Variants in LPGAT1 observed in about 807,000 individuals in gnomAD.
LPGAT1 encodes acyl-CoA:lysophosphatidylglycerol acyltransferase 1.
A neutral mutation model predicts 47.5 loss-of-function variants in LPGAT1; 11 were observed. That is an observed-to-expected ratio of 0.23 (90% confidence interval 0.15 to 0.38). The LOEUF is 0.38. LPGAT1 is among the 10% of genes least tolerant of loss of function. The pLI, the probability that LPGAT1 is intolerant of heterozygous loss-of-function variation, is 1.00. For missense variants in LPGAT1, 293 were observed against 439.0 expected, an observed-to-expected ratio of 0.67 and a Z score of 2.97; for synonymous variants, 138 against 144.2, an observed-to-expected ratio of 0.96 and a Z score of 0.31.
chr1:211,799,481 GT>G (rs1659481044), intron 2 of LPGAT1, among the ~76,000 whole-genome samples: 1 of 152,216 alleles, frequency 6.6e-6, no homozygotes, highest in African/African-American at 2.4e-5. Context: ...TAGTTAGGAA[GT>G]AGGGGAACTG....
At chr1:211,799,367 T>G (rs1659476191) in intron 2 of LPGAT1, among the ~76,000 whole-genome samples, 1 of 152,210 alleles carries the variant, frequency 6.6e-6, no homozygotes, top group African/African-American at 2.4e-5. Flanking sequence ...CATTATTTTC[T>G]GATTTAATCT....
intron 4 of LPGAT1, among the ~76,000 whole-genome samples, chr1:211,784,889 T>C (rs376567075): frequency 4.6e-4 from 70 of 151,212 alleles, no homozygotes; most frequent in South Asian, 6.3e-4. Flanking sequence ...CTGCAAGCTC[T>C]GCCTCCCGGG....
At chr1:211,775,212 G>A (rs1273758727) in intron 6 of LPGAT1, among the ~76,000 whole-genome samples, 1 of 152,192 alleles carries the variant, frequency 6.6e-6, no homozygotes, top group Non-Finnish European at 1.5e-5. Flanking sequence ...AGCTATTTGT[G>A]AGGCTGAGGC....
chr1:211,798,008 C>T (rs1016229306), intron 2 of LPGAT1, among the ~76,000 whole-genome samples: 1 of 151,958 alleles, frequency 6.6e-6, no homozygotes, highest in Non-Finnish European at 1.5e-5. Context: ...TATACTTTTC[C>T]CAAAAGTTAT....
At chr1:211,799,768 G>GA (rs1199211521) in intron 2 of LPGAT1, among the ~76,000 whole-genome samples, 2 of 151,808 alleles carry the variant, frequency 1.3e-5, no homozygotes, top group Non-Finnish European at 2.9e-5. Context: ...AGGTATCTAA[G>GA]AAAAAAAATC....
At chr1:211,778,824 C>G (rs1658518776) in intron 6 of LPGAT1, 94 bp downstream of exon 6, 1 of 1,032,088 alleles carries the variant, frequency 9.7e-7, no homozygotes, top group African/African-American at 1.7e-5. Flanking sequence ...CCAACTATTT[C>G]TACTGTGTGA....
At chr1:211,802,059 G>A (rs1210091574) in intron 2 of LPGAT1, among the ~76,000 whole-genome samples, 1 of 144,396 alleles carries the variant, frequency 6.9e-6, no homozygotes, top group Non-Finnish European at 1.5e-5. Context: ...CTGTATTACA[G>A]CCTGGGTAAC....
chr1:211,771,112 A>C (rs932533481), intron 6 of LPGAT1, among the ~76,000 whole-genome samples: 4 of 152,148 alleles, frequency 2.6e-5, no homozygotes, highest in East Asian at 1.9e-4. Context: ...AAAAAAAAAA[A>C]AACAACTTTT....
Position 211,830,762 on chromosome 1 carries a change from C to T in LPGAT1, c.-217G>A. 1 of 1,154,874 alleles carries T rather than the reference C, an allele frequency of 8.7e-7. No homozygotes were observed. The highest frequency in any genetic ancestry group is 1.1e-6 in the Non-Finnish European group (1 of 938,636). The allele number at this position is 1,154,874 out of a possible 1,614,324, so 71.5% of individuals were successfully genotyped here. A position where few individuals can be genotyped will look rare whatever the true frequency, so the allele number is the denominator to read the frequency against. ...AAGGGCCCGGCCGCGTTCGCCCGGA[C>T]TGGCGGGGAGGGGCGGCGGGAGGAA... On this transcript the variant is annotated 5_prime_UTR_variant, in exon 1 of 8. Transcript: ENST00000366997. The surrounding 1 kb of genome is among the most constrained non-coding windows in gnomAD (Gnocchi z 5.9).
At chr1:211,802,220 TA>T (rs1343914400) in intron 2 of LPGAT1, among the ~76,000 whole-genome samples, 1 of 151,768 alleles carries the variant, frequency 6.6e-6, no homozygotes, top group Non-Finnish European at 1.5e-5. Flanking sequence ...TAACATCAAA[TA>T]AAATGTGTAT....
At chr1:211,796,278 T>A (rs569303704) in intron 2 of LPGAT1, among the ~76,000 whole-genome samples, 17 of 152,088 alleles carry the variant, frequency 1.1e-4, no homozygotes, top group Non-Finnish European at 2.1e-4. Context: ...CCAAAATCTG[T>A]GAATCAAGAT....
intron 2 of LPGAT1, among the ~76,000 whole-genome samples, chr1:211,813,288 A>G (rs1034183461): frequency 2.6e-5 from 4 of 152,234 alleles, no homozygotes; most frequent in Non-Finnish European, 5.9e-5. Flanking sequence ...TGTTAAAAAT[A>G]TAAGTTCCCA....
At position 211,778,357 on chromosome 1, in the gene LPGAT1, A is replaced by AC. The variant is rs1187152845; in HGVS notation, c.854+560_854+561insG. 9.0e-3 allele frequency among the ~76,000 whole-genome samples: 1,196 copies of AC among 132,706 alleles called. 64 individuals are homozygous for AC. The highest frequency in any genetic ancestry group is 0.054 in the East Asian group (247 of 4,568). 87.1% of individuals were successfully genotyped at this position (132,706 alleles called of 152,430 possible). On this transcript the variant is annotated intron_variant, in intron 6 of 7. Coordinates refer to ENST00000366997, the MANE Select transcript of LPGAT1 (RefSeq NM_014873.3). The stretch of plus-strand genomic sequence containing the variant: ...ACTCTGTCTCAAAAAAAAAAAAAAA[A>AC]AAAAAAAAAAAAAAAAAGGAAGGCA...
chr1:211,829,190 T>C lies in LPGAT1; in HGVS notation c.107A>G (p.Tyr36Cys). 4 of 1,614,144 alleles carry C rather than the reference T, an allele frequency of 2.5e-6. No individual in the cohort carries two copies. Among genetic ancestry groups the C allele is most frequent in the Non-Finnish European group, 3.4e-6 (4 of 1,180,028 alleles). The change falls in exon 2 of 8, where the codon TAC (tyrosine) becomes TGC (cysteine). Residue 36 changes from tyrosine to cysteine, a missense_variant. Physicochemically the swap from Tyr to Cys is radical, Grantham distance 194 (BLOSUM62 -2). Coordinates refer to ENST00000366997, the MANE Select transcript of LPGAT1 (RefSeq NM_014873.3). ...CTGAAGTATAATTACATAGCAGATGTAGGATGGAATAGCAACCAGGTTGTT... is the reference window on the plus strand; with the variant it reads ...CTGAAGTATAATTACATAGCAGATGCAGGATGGAATAGCAACCAGGTTGTT... The part of the protein sequence containing the change: ...VVNNLVAIPS[Y>C]ICYVIILQPL...
chr1:211,763,460 C>T (rs1657786537), intron 6 of LPGAT1, among the ~76,000 whole-genome samples: 1 of 152,170 alleles, frequency 6.6e-6, no homozygotes, highest in Admixed American at 6.5e-5. Context: ...GATGCAGCCA[C>T]CTGATCCCAA....
chr1:211,783,923 A>T (rs1287033017), intron 4 of LPGAT1, among the ~76,000 whole-genome samples: 2 of 152,230 alleles, frequency 1.3e-5, no homozygotes, highest in African/African-American at 2.4e-5. Context: ...TTAGGAAGAA[A>T]ACAGTAAAAG....
At chr1:211,754,245 A>ATTC (rs1657338510) in intron 6 of LPGAT1, among the ~76,000 whole-genome samples, 1 of 152,212 alleles carries the variant, frequency 6.6e-6, no homozygotes, top group Non-Finnish European at 1.5e-5. Flanking sequence ...CATTCTTCTT[A>ATTC]GATTTCAACC....
rs537556133 is a variant in LPGAT1, at chr1:211,795,824, A to G, written c.239-2634T>C. 5.3e-5 allele frequency among the ~76,000 whole-genome samples: 8 copies of G among 152,352 alleles called. No homozygotes were observed. The South Asian group carries it at 1.2e-3, about 24-fold the overall frequency. On this transcript the variant is annotated intron_variant, in intron 2 of 7. Coordinates refer to ENST00000366997, the MANE Select transcript of LPGAT1 (RefSeq NM_014873.3). Reference sequence around the variant, plus strand: ...CTTTCATTAATACAATCTTCATTCAATAAATCAGCATCAGGCATGGTTAGG... The same window carrying G: ...CTTTCATTAATACAATCTTCATTCAGTAAATCAGCATCAGGCATGGTTAGG...
At chr1:211,772,536 G>C (rs1048074256) in intron 6 of LPGAT1, among the ~76,000 whole-genome samples, 1 of 152,072 alleles carries the variant, frequency 6.6e-6, no homozygotes, top group African/African-American at 2.4e-5. Context: ...ATAATATTGA[G>C]TCTTCCTCTC....
Sources: allele counts gnomAD v4.1 joint callset (sites outside exome capture counted in the v4.1 genomes callset), GRCh38; gene constraint gnomAD v4.1.1; non-coding constraint Gnocchi (gnomAD v3.1); transcripts MANE v1.5; gene names NCBI Gene and HGNC (gene_info 2026-07-23, HGNC 2026-07-21).